QRICH2: variants seen among roughly 807,000 people sequenced by gnomAD.
QRICH2 encodes glutamine-rich protein 2.
In QRICH2, 119 loss-of-function variants were observed where a neutral mutation model predicts 168.3. The ratio of observed to expected loss-of-function variants is 0.71; its 90% CI spans 0.61 to 0.82. QRICH2 has a LOEUF of 0.82. Among genes scored for constraint, QRICH2 ranks in the 40% least tolerant of loss-of-function variants. The pLI is 0.00. For missense variants in QRICH2, 2,241 were observed against 2,491.6 expected (o/e 0.90, Z 2.14); for synonymous variants, 894 against 951.2 (o/e 0.94, Z 1.11).
intron 15 of QRICH2, 143 bp from the exon 16 acceptor site, chr17:76,277,453 A>G: frequency 1.0e-6 from 1 of 995,360 alleles, no homozygotes. Context: ...AGGGGCCCAG[A>G]ACAGGCGGGC....
At position 76,291,515 on chromosome 17, in the gene QRICH2, G is replaced by T. The variant is rs1339941968; in HGVS notation, c.3212C>A (p.Thr1071Lys). The T allele has an allele frequency of 6.2e-7, 1 of 1,614,068 alleles. No individual in the cohort carries two copies. Among genetic ancestry groups the T allele is most frequent in the Non-Finnish European group, 8.5e-7 (1 of 1,179,986 alleles). Reference sequence around the variant, plus strand: ...TGCCACATGCTGTTGATCTGGGTGTGTAGATCCCAAACCTGTACTCAGTGG... The same window carrying T: ...TGCCACATGCTGTTGATCTGGGTGTTTAGATCCCAAACCTGTACTCAGTGG... ...PIPLSTGLGS[T>K]HPDQQHVASP... Residue 1071 changes from threonine (T) to lysine (K), a missense_variant, in exon 4 of 19, where the codon ACA becomes AAA. Physicochemically the swap from Thr to Lys is moderately conservative, Grantham distance 78. This residue lies in a region of QRICH2 where 2,047 missense variants were observed against 2,303.8 expected (regional missense o/e 0.89). Transcript: ENST00000680821.
Position 76,279,122 on chromosome 17 carries a change from G to C in QRICH2, c.4835C>G (p.Ala1612Gly). 5.6e-6 allele frequency: 9 copies of C among 1,613,358 alleles called. No individual in the cohort carries two copies. The highest frequency in any genetic ancestry group is 7.6e-6 in the Non-Finnish European group (9 of 1,179,864). Reference protein sequence around the residue: ...VTGHAIPVTPAGPGLPGHHSI... With the variant: ...VTGHAIPVTPGGPGLPGHHSI... Reference sequence around the variant, plus strand: ...ATGGTGCCCAGGTAGGCCTGGACCCGCGGGGGTCACGGGGATGGCACTGGG... The same window carrying C: ...ATGGTGCCCAGGTAGGCCTGGACCCCCGGGGGTCACGGGGATGGCACTGGG... Residue 1612 changes from alanine (A) to glycine (G), a missense_variant, in exon 14 of 19, where the codon GCG becomes GGG. This residue lies in a region of QRICH2 where 2,047 missense variants were observed against 2,303.8 expected (regional missense o/e 0.89). Transcript: ENST00000680821.
intron 1 of QRICH2, among the ~76,000 whole-genome samples, chr17:76,305,181 T>TTTTTTA (rs2070973104): frequency 1.3e-5 from 2 of 148,380 alleles, no homozygotes; most frequent in African/African-American, 5.0e-5. Flanking sequence ...TTTTTTTTTT[T>TTTTTTA]GAGACAGGGT....
intron 15 of QRICH2, 123 bp downstream of exon 15, chr17:76,277,866 C>T (rs1335769009): frequency 1.9e-6 from 2 of 1,061,616 alleles, no homozygotes; most frequent in Non-Finnish European, 2.8e-6. Context: ...CTTTCTCTCA[C>T]ACACACACAC....
intron 17 of QRICH2, 44 bp from the exon 18 acceptor site, chr17:76,275,991 G>T: frequency 6.3e-7 from 1 of 1,593,584 alleles, no homozygotes; most frequent in South Asian, 1.1e-5. Flanking sequence ...AGGCAGCGGT[G>T]AGAGCTCTGT....
intron 5 of QRICH2, among the ~76,000 whole-genome samples, chr17:76,288,995 T>C (rs1441495990): frequency 6.6e-6 from 1 of 151,654 alleles, no homozygotes; most frequent in Non-Finnish European, 1.5e-5. Context: ...TCCCAGCTAC[T>C]TGGGAGGCTG....
rs767489699 is a variant in QRICH2 at position 76,307,525 on chromosome 17, G to A, written c.474C>T (p.Phe158=). The A allele has an allele frequency of 6.8e-6, 11 of 1,609,754 alleles. No homozygotes were observed. The Admixed American group carries it at 8.4e-5, about 12-fold the overall frequency. ...PEEQEVGVRA[F]DRVRTGSIMK... ...TGATACTCCCAGTCCGCACCCTATC[G>A]AACGCCCGCACGCCCACCTCCTGCT... The change falls in exon 1 of 19, where the codon TTC becomes TTT. Residue 158 remains phenylalanine, a synonymous_variant. Transcript: ENST00000680821. This position sits in a 1 kb window ranked among gnomAD's most constrained non-coding sequence, Gnocchi z 5.3.
In QRICH2 at chr17:76,303,872, C is replaced by CAAAAA. The variant is rs67296304; in HGVS notation, c.705+538_705+542dup. ...TGGGTAATAGAGCAAAACTCTGTCT[C>CAAAAA]AAAAAAAAAAAAAAAAAAAAAGTCG... On this transcript the variant is annotated intron_variant, in intron 3 of 18. Coordinates refer to ENST00000680821, the MANE Select transcript of QRICH2 (RefSeq NM_001388453.1). 7.0e-5 allele frequency among the ~76,000 whole-genome samples: 5 copies of CAAAAA among 71,660 alleles called. 1 individual carries two copies. Among genetic ancestry groups the CAAAAA allele is most frequent in the African/African-American group, 1.6e-4 (3 of 18,364 alleles). The allele number at this position is 71,660 out of a possible 152,430, so 47.0% of individuals were successfully genotyped here. A position where few individuals can be genotyped will look rare whatever the true frequency, so the allele number is the denominator to read the frequency against.
At position 76,291,672 on chromosome 17, in the gene QRICH2, A is replaced by G. The variant is rs1411928443; in HGVS notation, c.3055T>C (p.Tyr1019His). ...HGMVPPGREQ[Y>H]GQVSPLLASQ... ...GCTAGGAGTGGTGACACCTGGCCGT[A>G]TTGTTCTCTGCCAGGAGGTACCATA... Residue 1019 changes from tyrosine (Y) to histidine (H), a missense_variant, in exon 4 of 19, where the codon TAC becomes CAC. Tyr to His is a moderately conservative substitution (Grantham distance 83). This residue lies in a region of QRICH2 where 2,047 missense variants were observed against 2,303.8 expected (regional missense o/e 0.89). Coordinates refer to ENST00000680821, the MANE Select transcript of QRICH2 (RefSeq NM_001388453.1). 6.2e-7 allele frequency: 1 copy of G among 1,614,092 alleles called. No homozygotes were observed. Among genetic ancestry groups the G allele is most frequent in the Non-Finnish European group, 8.5e-7 (1 of 1,179,970 alleles).
At chr17:76,282,312 G>T (rs1380685984) in intron 7 of QRICH2, among the ~76,000 whole-genome samples, 197 bp from the exon 8 acceptor site, 3 of 152,218 alleles carry the variant, frequency 2.0e-5, no homozygotes, top group Non-Finnish European at 4.4e-5. Context: ...AGTTCTCCGA[G>T]AACACAGTGT....
upstream of QRICH2, chr17:76,310,321 A>C (rs1302769018): frequency 2.3e-5 from 3 of 131,800 alleles, no homozygotes; most frequent in African/African-American, 1.1e-4. Context: ...TTATGCTTTT[A>C]ACTTAGCTAG....
Position 76,280,068 on chromosome 17 carries a change from T to TG in QRICH2, c.4712dup (p.Leu1572ThrfsTer24), listed in dbSNP as rs752752266. ...CAGCCGCCTCGTCTGCCTGGTAGAG[T>TG]GGGGGGCGCTCCCTGAGCTGCTGTC... On this transcript the variant is annotated frameshift_variant, in exon 12 of 19. Coordinates refer to ENST00000680821, the MANE Select transcript of QRICH2 (RefSeq NM_001388453.1). LOFTEE classifies it high-confidence loss of function. The surrounding 1 kb of genome is among the most constrained non-coding windows in gnomAD (Gnocchi z 7.4). The TG allele has an allele frequency of 1.7e-5, 27 of 1,612,620 alleles. No individual in the cohort carries two copies. Among genetic ancestry groups the TG allele is most frequent in the Non-Finnish European group, 1.8e-5 (21 of 1,179,776 alleles).
In QRICH2 at chr17:76,304,530, C is replaced by T; in HGVS notation, c.595-5G>A. On this transcript the variant is annotated splice_region_variant and splice_polypyrimidine_tract_variant and intron_variant, in intron 2 of 18. Coordinates refer to ENST00000680821, the MANE Select transcript of QRICH2 (RefSeq NM_001388453.1). ...CAGCTTCCGGCTGACTAGTTCCTGA[C>T]AGTGACAGAAAAGACACACACATAC... 4 of 1,602,288 alleles carry T rather than the reference C, an allele frequency of 2.5e-6. No individual in the cohort carries two copies. Among genetic ancestry groups the T allele is most frequent in the Non-Finnish European group, 3.4e-6 (4 of 1,170,918 alleles).
In QRICH2 at chr17:76,279,420, AG is replaced by A; in HGVS notation, c.4756del (p.Leu1586TrpfsTer17). On this transcript the variant is annotated frameshift_variant, in exon 13 of 19. Coordinates refer to ENST00000680821, the MANE Select transcript of QRICH2 (RefSeq NM_001388453.1). LOFTEE classifies it high-confidence loss of function. ...DEAAAMRRQL[L>X]AHFHCLSCDR... The stretch of plus-strand genomic sequence containing the variant: ...ACATGAGAGGCAGTGGAAATGTGCC[AG>A]GAGCTGCCTGTTAGGAATGGGACGC... 1 of 1,611,536 alleles carries A rather than the reference AG, an allele frequency of 6.2e-7. No individual in the cohort carries two copies. The highest frequency in any genetic ancestry group is 8.5e-7 in the Non-Finnish European group (1 of 1,178,854).
chr17:76,294,593 A>G (rs1349648476), intron 3 of QRICH2, among the ~76,000 whole-genome samples: 3 of 152,062 alleles, frequency 2.0e-5, no homozygotes, highest in Non-Finnish European at 4.4e-5. Flanking sequence ...CGGGTGGATC[A>G]TTTGAGGTCA....
intron 12 of QRICH2, among the ~76,000 whole-genome samples, chr17:76,279,773 CT>C (rs1302474406): frequency 2.6e-5 from 4 of 152,350 alleles, no homozygotes; most frequent in African/African-American, 7.2e-5. Flanking sequence ...GGACCTCTCC[CT>C]GTCCCAAAGG....
chr17:76,293,102 G>A lies in QRICH2; in HGVS notation c.1625C>T (p.Pro542Leu). The change falls in exon 4 of 19, where the codon CCA (proline) becomes CTA (leucine). Residue 542 changes from proline to leucine, a missense_variant. Coordinates refer to ENST00000680821, the MANE Select transcript of QRICH2 (RefSeq NM_001388453.1). Reference protein sequence around the residue: ...QHGLVSPGLMPISADQQGFVQ... With the variant: ...QHGLVSPGLMLISADQQGFVQ... ...AAAACCTTGCTGATCTGCACTAATT[G>A]GCATCAAACCAGGTGATACCAAACC... 3.7e-6 allele frequency: 6 copies of A among 1,614,154 alleles called. No homozygotes were observed. Among genetic ancestry groups the A allele is most frequent in the Non-Finnish European group, 5.1e-6 (6 of 1,180,032 alleles).
rs1035408394 is a variant in QRICH2, at chr17:76,280,835, A to G, written c.4382T>C (p.Ile1461Thr). ...AGCCACCCTGCGGCCGCTCACAGCA[A>G]TGTCCTTCTGTTTCTGCCGATGGTC... ...IEDHRQKQKDIAMLYQGLEKL... is the reference protein window; with the variant it reads ...IEDHRQKQKDTAMLYQGLEKL... The change falls in exon 9 of 19, where the codon ATT becomes ACT. Residue 1461 changes from isoleucine (I) to threonine (T), a missense_variant. Transcript: ENST00000680821. The surrounding 1 kb of genome is among the most constrained non-coding windows in gnomAD (Gnocchi z 7.4). 5 of 1,613,846 alleles carry G rather than the reference A, an allele frequency of 3.1e-6. No homozygotes were observed. In the Admixed American group the frequency reaches 5.0e-5, roughly 16 times the overall value.
Position 76,288,383 on chromosome 17 carries a change from T to TAAAAAA in QRICH2, c.3799-492_3799-487dup, listed in dbSNP as rs770162922. 3.8e-4 allele frequency among the ~76,000 whole-genome samples: 15 copies of TAAAAAA among 39,266 alleles called. 1 individual carries two copies. Among genetic ancestry groups the TAAAAAA allele is most frequent in the African/African-American group, 1.8e-3 (15 of 8,546 alleles). 25.8% of individuals were successfully genotyped at this position (39,266 alleles called of 152,430 possible). A position where few individuals can be genotyped will look rare whatever the true frequency, so the allele number is the denominator to read the frequency against. Reference sequence around the variant, plus strand: ...TGGGCAACAGAGCAAGAATCAGTCTTAAAAAAAAAAAAAAAAAAAAAAAAA... The same window carrying TAAAAAA: ...TGGGCAACAGAGCAAGAATCAGTCTTAAAAAAAAAAAAAAAAAAAAAAAAAAAAAAA... On this transcript the variant is annotated intron_variant, in intron 5 of 18. Transcript: ENST00000680821.
Sources: allele counts gnomAD v4.1 joint callset (sites outside exome capture counted in the v4.1 genomes callset), GRCh38; gene constraint gnomAD v4.1.1; regional missense constraint gnomAD v4.1.1; non-coding constraint Gnocchi (gnomAD v3.1); transcripts MANE v1.5; gene names NCBI Gene and HGNC (gene_info 2026-07-23, HGNC 2026-07-21).